The following RAPH1 variants were observed in gnomAD, a reference collection of about 807,000 sequenced individuals.
RAPH1 encodes the protein Ras association (RalGDS/AF-6) and pleckstrin homology domains 1.
In RAPH1, 18 loss-of-function variants were observed where a neutral mutation model predicts 88.1. The ratio of observed to expected loss-of-function variants is 0.20; its 90% CI spans 0.14 to 0.30. The LOEUF (loss-of-function observed/expected upper bound fraction) is 0.30. Among genes scored for constraint, RAPH1 ranks in the 10% least tolerant of loss-of-function variants. The pLI is 1.00. For synonymous variants in RAPH1, 587 were observed against 559.0 expected (o/e 1.05, Z -0.71); for missense variants, 1,448 against 1,543.2 (o/e 0.94, Z 1.03).
chr2:203,459,122 G>A (rs1019547690), intron 7 of RAPH1, among the ~76,000 whole-genome samples: 8 of 152,136 alleles, frequency 5.3e-5, no homozygotes, highest in African/African-American at 1.9e-4. Flanking sequence ...GTCCACCTCA[G>A]CCTCCCAAAG....
intron 1 of RAPH1, among the ~76,000 whole-genome samples, chr2:203,525,304 G>A (rs965661490): frequency 2.0e-5 from 3 of 152,148 alleles, no homozygotes; most frequent in Non-Finnish European, 4.4e-5. Flanking sequence ...TCCTGTGTCA[G>A]TTTCCAGAGT....
At chr2:203,482,465 C>A (rs559400551) in intron 4 of RAPH1, among the ~76,000 whole-genome samples, 1 of 152,298 alleles carries the variant, frequency 6.6e-6, no homozygotes, top group African/African-American at 2.4e-5. Flanking sequence ...GGATTACAGG[C>A]GTGAGTCACT....
At chr2:203,476,826 C>T (rs201451543) in intron 4 of RAPH1, among the ~76,000 whole-genome samples, 2 of 152,138 alleles carry the variant, frequency 1.3e-5, no homozygotes, top group East Asian at 3.8e-4. Context: ...ATAAAGAAGG[C>T]ATGTTGTTTC....
chr2:203,435,691 A>T lies in RAPH1; in HGVS notation c.*3746T>A, dbSNP rs556594957. 1 of 152,342 alleles carries T rather than the reference A, an allele frequency of 6.6e-6. No individual in the cohort carries two copies. The highest frequency in any genetic ancestry group is 1.9e-4 in the East Asian group (1 of 5,188). 9.4% of individuals were successfully genotyped at this position (152,342 alleles called of 1,614,324 possible). On this transcript the variant is annotated 3_prime_UTR_variant, in exon 14 of 14. Coordinates refer to ENST00000319170, the MANE Select transcript of RAPH1 (RefSeq NM_213589.3). ...GTTTAACTGGTCTAAACTTGAGTGG[A>T]TTAAATCAGTTGTAATTAGTTAGCT... is the stretch of plus-strand genomic sequence containing the variant.
intron 1 of RAPH1, among the ~76,000 whole-genome samples, chr2:203,502,534 G>A (rs1009335507): frequency 3.3e-5 from 5 of 152,158 alleles, no homozygotes; most frequent in Admixed American, 3.3e-4. Context: ...TTTTATTAAT[G>A]TTTTATTTAT....
At chr2:203,480,177 G>C (rs1687659348) in intron 4 of RAPH1, among the ~76,000 whole-genome samples, 1 of 152,194 alleles carries the variant, frequency 6.6e-6, no homozygotes. Flanking sequence ...TTCTTGAACT[G>C]AATCTGTAAC....
chr2:203,517,772 G>A (rs1273435309), intron 1 of RAPH1, among the ~76,000 whole-genome samples: 2 of 151,134 alleles, frequency 1.3e-5, no homozygotes, highest in African/African-American at 4.9e-5. Flanking sequence ...ATAACACCTG[G>A]GTCAAAGAAG....
At chr2:203,527,925 AG>A (rs1690200060) in intron 1 of RAPH1, among the ~76,000 whole-genome samples, 1 of 152,172 alleles carries the variant, frequency 6.6e-6, no homozygotes, top group South Asian at 2.1e-4. Flanking sequence ...AGGGCAAAGC[AG>A]AATAAAAGAG....
rs191568584 is a variant in RAPH1 at position 203,510,012 on chromosome 2, C to G, written c.1-14659G>C. Among the ~76,000 whole-genome samples the G allele has an allele frequency of 9.2e-5, 14 of 152,164 alleles. No individual in the cohort carries two copies. The East Asian group carries it at 2.7e-3, about 29-fold the overall frequency. On this transcript the variant is annotated intron_variant, in intron 1 of 13. Transcript: ENST00000319170. Reference sequence around the variant, plus strand: ...CTGTATAGCCTGCAGAACCATGAGCCAATTAAACCTCTTTTACTTATAAAT... The same window carrying G: ...CTGTATAGCCTGCAGAACCATGAGCGAATTAAACCTCTTTTACTTATAAAT...
chr2:203,470,101 C>T, intron 4 of RAPH1: 2 of 532,790 alleles, frequency 3.8e-6, no homozygotes, highest in Admixed American at 3.6e-5. Context: ...AAATAATTAC[C>T]ATCTGTAAAA....
At chr2:203,441,600 C>A in intron 13 of RAPH1, 187 bp from the exon 14 acceptor site, 1 of 1,340,700 alleles carries the variant, frequency 7.5e-7, no homozygotes, top group South Asian at 2.2e-5. Flanking sequence ...ATTGTGCGGG[C>A]AAGAAGGAAA....
chr2:203,514,008 A>T (rs1414338757), intron 1 of RAPH1, among the ~76,000 whole-genome samples: 1 of 151,400 alleles, frequency 6.6e-6, no homozygotes, highest in African/African-American at 2.4e-5. Context: ...ACACCCAGCT[A>T]ATTTTTGTAT....
intron 3 of RAPH1, 120 bp from the exon 4 acceptor site, chr2:203,490,209 G>C (rs1174954941): frequency 1.1e-5 from 11 of 1,005,596 alleles, no homozygotes; most frequent in Non-Finnish European, 1.5e-5. Context: ...ATAAAATTAA[G>C]TATTTCTGGT....
In RAPH1 at chr2:203,448,938, G is replaced by T; in HGVS notation, c.1414-102C>A. 1.6e-6 allele frequency: 1 copy of T among 627,778 alleles called. No individual in the cohort carries two copies. Among genetic ancestry groups the T allele is most frequent in the East Asian group, 3.0e-5 (1 of 33,638 alleles). 38.9% of individuals were successfully genotyped at this position (627,778 alleles called of 1,614,324 possible). A position where few individuals can be genotyped will look rare whatever the true frequency, so the allele number is the denominator to read the frequency against. The stretch of plus-strand genomic sequence containing the variant: ...TATCCTGACAAGTTATAGGCCATTA[G>T]AGTAATGGCCAATACATTTATGCTT... On this transcript the variant is annotated intron_variant, in intron 10 of 13. Coordinates refer to ENST00000319170, the MANE Select transcript of RAPH1 (RefSeq NM_213589.3). This position sits in a 1 kb window ranked among gnomAD's most constrained non-coding sequence, Gnocchi z 4.1.
chr2:203,452,896 C>T (rs550110503), intron 10 of RAPH1, among the ~76,000 whole-genome samples: 65 of 151,984 alleles, frequency 4.3e-4, no homozygotes, highest in Non-Finnish European at 7.8e-4. Flanking sequence ...TGCAGTGAGC[C>T]GAGATCACAT....
At chr2:203,513,210 G>C (rs1000540361) in intron 1 of RAPH1, among the ~76,000 whole-genome samples, 1 of 116,406 alleles carries the variant, frequency 8.6e-6, no homozygotes, top group Non-Finnish European at 1.6e-5. Flanking sequence ...GCAGAAAAAT[G>C]GGGGGGGGAA....
intron 4 of RAPH1, among the ~76,000 whole-genome samples, chr2:203,469,323 C>G (rs1278528345): frequency 3.3e-5 from 5 of 152,308 alleles, no homozygotes; most frequent in Non-Finnish European, 5.9e-5. Flanking sequence ...AGTCATAGAT[C>G]TGCTTTAAAA....
intron 10 of RAPH1, among the ~76,000 whole-genome samples, chr2:203,453,920 AAAAC>A (rs1237722017): frequency 6.6e-6 from 1 of 152,172 alleles, no homozygotes; most frequent in African/African-American, 2.4e-5. Flanking sequence ...AGAAGAAAAA[AAAAC>A]CTCCCTAAAA....
chr2:203,495,317 C>G lies in RAPH1; in HGVS notation c.37G>C (p.Ala13Pro), dbSNP rs201179919. 6.2e-7 allele frequency: 1 copy of G among 1,613,966 alleles called. No individual in the cohort carries two copies. The highest frequency in any genetic ancestry group is 8.5e-7 in the Non-Finnish European group (1 of 1,179,908). Residue 13 changes from alanine (A) to proline (P), a missense_variant, in exon 2 of 14, where the codon GCT becomes CCT. Transcript: ENST00000319170. ...QLSDEEIDHG[A>P]EEDSDKEDQD... ...TCTTCCTTGTCACTGTCTTCTTCAG[C>G]ACCATGATCAATTTCTTCATCTGAT...
Sources: gnomAD v4.1 joint callset for allele counts (sites outside exome capture counted in the v4.1 genomes callset) on GRCh38, gnomAD v4.1.1 for gene constraint, Gnocchi (gnomAD v3.1) non-coding constraint, MANE v1.5 for transcripts, NCBI Gene and HGNC (gene_info 2026-07-23, HGNC 2026-07-21) for gene names.